Variants in RBM6 observed in about 807,000 individuals in gnomAD.
RBM6 encodes RNA binding motif protein 6.
RBM6 carries 23 observed loss-of-function variants against 140.4 expected under a neutral mutation model. The ratio of observed to expected loss-of-function variants is 0.16; its 90% CI spans 0.12 to 0.23. The LOEUF (loss-of-function observed/expected upper bound fraction) is 0.23, where lower values mean the gene tolerates loss of function less well. RBM6 is among the 10% of genes least tolerant of loss of function. The probability of loss-of-function intolerance (pLI) is 1.00; values close to 1 mark genes in which losing one functional copy is unlikely to be tolerated. For missense variants in RBM6, 1,139 were observed against 1,386.7 expected (o/e 0.82, Z 2.84); for synonymous variants, 439 against 475.6 (o/e 0.92, Z 1.00).
intron 2 of RBM6, among the ~76,000 whole-genome samples, chr3:49,966,161 T>G (rs2108628408): frequency 6.6e-6 from 1 of 152,300 alleles, no homozygotes. Flanking sequence ...AGGTTTGGCA[T>G]TGCAACTATT....
intron 5 of RBM6, among the ~76,000 whole-genome samples, chr3:49,988,028 T>C (rs1195611007): frequency 6.6e-6 from 1 of 152,242 alleles, no homozygotes; most frequent in Non-Finnish European, 1.5e-5. Flanking sequence ...AAATATACTT[T>C]GGTAATCAAG....
chr3:50,061,360 C>T, intron 13 of RBM6, 102 bp from the exon 14 acceptor site: 2 of 1,580,020 alleles, frequency 1.3e-6, no homozygotes, highest in Non-Finnish European at 1.7e-6. Flanking sequence ...TGTAGATGCA[C>T]CTATTTGTGT....
intron 6 of RBM6, among the ~76,000 whole-genome samples, chr3:50,047,767 C>T (rs558794855): frequency 6.6e-6 from 1 of 152,136 alleles, no homozygotes; most frequent in Non-Finnish European, 1.5e-5. Flanking sequence ...GCCAGTGTTT[C>T]AAAGAAAATT....
At chr3:50,024,602 T>A (rs2108803546) in intron 6 of RBM6, among the ~76,000 whole-genome samples, 1 of 152,278 alleles carries the variant, frequency 6.6e-6, no homozygotes, top group East Asian at 1.9e-4. Flanking sequence ...TTCATTTTCA[T>A]TGCTTAGTGA....
At chr3:49,960,168 G>A (rs1204839755) in intron 1 of RBM6, among the ~76,000 whole-genome samples, 2 of 152,146 alleles carry the variant, frequency 1.3e-5, no homozygotes, top group Non-Finnish European at 2.9e-5. Context: ...AGATATGTAC[G>A]ATAATTTGCA....
chr3:49,956,624 G>A (rs1251846587), intron 1 of RBM6, among the ~76,000 whole-genome samples: 3 of 149,796 alleles, frequency 2.0e-5, no homozygotes, highest in African/African-American at 4.9e-5. Context: ...AAGCCATCAC[G>A]CCTGGCCCAC....
intron 1 of RBM6, among the ~76,000 whole-genome samples, chr3:49,945,155 G>A (rs896380750): frequency 3.4e-5 from 5 of 148,466 alleles, no homozygotes; most frequent in African/African-American, 5.0e-5. Flanking sequence ...GATTACAGGC[G>A]TGAGCCACCG....
intron 5 of RBM6, among the ~76,000 whole-genome samples, chr3:49,990,061 C>T (rs1033487705): frequency 6.6e-6 from 1 of 152,216 alleles, no homozygotes; most frequent in African/African-American, 2.4e-5. Flanking sequence ...ATTTTAATTT[C>T]TAAAACTATG....
intron 4 of RBM6, among the ~76,000 whole-genome samples, chr3:49,972,894 G>C (rs1441321541): frequency 6.6e-6 from 1 of 150,654 alleles, no homozygotes; most frequent in Non-Finnish European, 1.5e-5. Flanking sequence ...TGTGTGGCGC[G>C]ACCTTGGTGC....
At chr3:50,000,149 G>A (rs1575652306) in intron 6 of RBM6, among the ~76,000 whole-genome samples, 1 of 152,262 alleles carries the variant, frequency 6.6e-6, no homozygotes, top group Middle Eastern at 3.4e-3. Context: ...GAGTTACTCA[G>A]CTTGCCACCT....
At chr3:50,075,689 G>T (rs2090438988) in intron 20 of RBM6, among the ~76,000 whole-genome samples, 1 of 152,166 alleles carries the variant, frequency 6.6e-6, no homozygotes, top group Admixed American at 6.6e-5. Flanking sequence ...ACTGTCAGCG[G>T]AAGTCTTTGG....
chr3:49,995,970 G>A (rs577849620), intron 5 of RBM6, among the ~76,000 whole-genome samples: 1 of 152,126 alleles, frequency 6.6e-6, no homozygotes, highest in Non-Finnish European at 1.5e-5. Flanking sequence ...GTATACAGTT[G>A]TGTTGCATTA....
At chr3:50,047,461 C>G (rs2089276567) in intron 6 of RBM6, 2 of 522,188 alleles carry the variant, frequency 3.8e-6, no homozygotes, top group African/African-American at 4.1e-5. Context: ...GAATTCATGA[C>G]TTGTCCAAAA....
intron 1 of RBM6, among the ~76,000 whole-genome samples, chr3:49,947,272 GGGGGGT>G (rs374821191): frequency 0.13 from 15,723 of 120,980 alleles, 1,580 homozygotes; most frequent in Non-Finnish European, 0.2. Context: ...AGGGGGGGGG[GGGGGGT>G]TTTGAGCTGG....
intron 1 of RBM6, among the ~76,000 whole-genome samples, chr3:49,958,699 C>T (rs1461198475): frequency 1.3e-5 from 2 of 150,630 alleles, no homozygotes; most frequent in Non-Finnish European, 2.9e-5. Flanking sequence ...TGCAGTGAGC[C>T]GAGATCGCTC....
chr3:50,008,555 T>A (rs2086691932), intron 6 of RBM6, among the ~76,000 whole-genome samples: 1 of 141,568 alleles, frequency 7.1e-6, no homozygotes, highest in Admixed American at 7.1e-5. Flanking sequence ...ACTTTTTTTT[T>A]TTTTTTTTTT....
chr3:50,072,417 A>C (rs935060339), intron 19 of RBM6, among the ~76,000 whole-genome samples: 1 of 151,916 alleles, frequency 6.6e-6, no homozygotes, highest in Non-Finnish European at 1.5e-5. Context: ...ATCAAAAAAA[A>C]AAAAGAAAAG....
chr3:49,998,430 T>G (rs1401459651), intron 5 of RBM6, among the ~76,000 whole-genome samples: 1 of 152,226 alleles, frequency 6.6e-6, no homozygotes, highest in Non-Finnish European at 1.5e-5. Context: ...AGAGATGAGC[T>G]TCTTTATCCT....
chr3:49,957,092 C>T (rs918824586), intron 1 of RBM6, among the ~76,000 whole-genome samples: 6 of 152,164 alleles, frequency 3.9e-5, no homozygotes, highest in Admixed American at 2.6e-4. Context: ...AAGCAATCCT[C>T]CCGCTTCATT....
Sources: gnomAD v4.1 joint callset for allele counts (sites outside exome capture counted in the v4.1 genomes callset) on GRCh38, gnomAD v4.1.1 for gene constraint, MANE v1.5 for transcripts, NCBI Gene and HGNC (gene_info 2026-07-23, HGNC 2026-07-21) for gene names.